Variants in KREMEN1 observed in about 807,000 individuals in gnomAD.
The protein encoded by KREMEN1 is kremen protein 1.
A neutral mutation model predicts 46.5 loss-of-function variants in KREMEN1; 30 were observed. The ratio of observed to expected loss-of-function variants is 0.65; its 90% CI spans 0.48 to 0.88. KREMEN1 has a LOEUF of 0.88. KREMEN1 is among the 40% of genes least tolerant of loss of function. KREMEN1 has a pLI of 0.00. For missense variants in KREMEN1, 533 were observed against 596.9 expected, an observed-to-expected ratio of 0.89 and a Z score of 1.11; for synonymous variants, 214 against 230.6, an observed-to-expected ratio of 0.93 and a Z score of 0.65.
chr22:29,115,446 A>AC (rs2038223482), intron 3 of KREMEN1, among the ~76,000 whole-genome samples: 2 of 146,804 alleles, frequency 1.4e-5, no homozygotes, highest in African/African-American at 5.4e-5. Flanking sequence ...AAAAAAAAAA[A>AC]AAACCAGAAG....
chr22:29,105,474 C>CAT (rs1284159558), intron 3 of KREMEN1, among the ~76,000 whole-genome samples: 7 of 115,070 alleles, frequency 6.1e-5, no homozygotes, highest in Middle Eastern at 4.7e-3. Context: ...CACACACACA[C>CAT]ACATACACAC....
chr22:29,093,603 A>T (rs9620861), intron 1 of KREMEN1, among the ~76,000 whole-genome samples: 2,543 of 152,314 alleles, frequency 0.017, 42 homozygotes, highest in Non-Finnish European at 0.026. Context: ...AGAATTTCAG[A>T]AAGAGGTGAG....
In KREMEN1 at chr22:29,144,895, T is replaced by C; in HGVS notation, c.*2783T>C. 1 of 985,488 alleles carries C rather than the reference T, an allele frequency of 1.0e-6. No homozygotes were observed. The highest frequency in any genetic ancestry group is 1.2e-6 in the Non-Finnish European group (1 of 829,990). 61.0% of individuals were successfully genotyped at this position (985,488 alleles called of 1,614,324 possible). On this transcript the variant is annotated 3_prime_UTR_variant, in exon 9 of 9. Coordinates refer to ENST00000400335, the MANE Select transcript of KREMEN1 (RefSeq NM_001039570.3). Reference sequence around the variant, plus strand: ...GCACTTCCTCGGAGGGCCTGGGAGGTGCTGGGGATGCCCCAGCGCTTCTCT... The same window carrying C: ...GCACTTCCTCGGAGGGCCTGGGAGGCGCTGGGGATGCCCCAGCGCTTCTCT...
rs1265062669 is a variant in KREMEN1 at position 29,094,385 on chromosome 22, C to G, written c.225C>G (p.Asn75Lys). The G allele has an allele frequency of 6.2e-7, 1 of 1,612,112 alleles. No individual in the cohort carries two copies. Reference sequence around the variant, plus strand: ...CATACAACACTCTGAAATACCCCAACGGGGAGGGGGGCCTGGGTGAGCACA... The same window carrying G: ...CATACAACACTCTGAAATACCCCAAGGGGGAGGGGGGCCTGGGTGAGCACA... ...QHPYNTLKYP[N>K]GEGGLGEHNY... The change falls in exon 2 of 9, where the codon AAC becomes AAG. Residue 75 changes from asparagine (N) to lysine (K), a missense_variant. Transcript: ENST00000400335.
In KREMEN1 at chr22:29,125,345, A is replaced by G; in HGVS notation, c.560A>G (p.Glu187Gly). 1 of 1,614,170 alleles carries G rather than the reference A, an allele frequency of 6.2e-7. No individual in the cohort carries two copies. Among genetic ancestry groups the G allele is most frequent in the Non-Finnish European group, 8.5e-7 (1 of 1,180,032 alleles). The change falls in exon 5 of 9, where the codon GAA (glutamate) becomes GGA (glycine). Residue 187 changes from glutamate (E) to glycine (G), a missense_variant. By Grantham distance (98) the Glu-to-Gly change is moderately conservative (BLOSUM62 -2). Coordinates refer to ENST00000400335, the MANE Select transcript of KREMEN1 (RefSeq NM_001039570.3). The part of the protein sequence containing the change: ...YWKYGEAAST[E>G]CNSVCFGDHT... The stretch of plus-strand genomic sequence containing the variant: ...AAGTACGGGGAGGCAGCCAGTACCG[A>G]ATGCAACAGCGTCTGCTTCGGGGAT...
intron 1 of KREMEN1, among the ~76,000 whole-genome samples, chr22:29,078,358 C>G (rs1275469252): frequency 2.6e-5 from 4 of 152,148 alleles, no homozygotes; most frequent in Admixed American, 6.5e-5. Flanking sequence ...TGCCTTGGAA[C>G]TGGCCTATGG....
At chr22:29,163,544 T>C (rs904188529) in intron 9 of KREMEN1, among the ~76,000 whole-genome samples, 1 of 151,860 alleles carries the variant, frequency 6.6e-6, no homozygotes, top group African/African-American at 2.4e-5. Context: ...GCCCAGCTAA[T>C]TTTTGTATTT....
chr22:29,126,526 T>G (rs1012936792), intron 5 of KREMEN1, among the ~76,000 whole-genome samples: 3 of 152,238 alleles, frequency 2.0e-5, no homozygotes, highest in African/African-American at 7.2e-5. Flanking sequence ...TGTCTCTGTG[T>G]GTCTCCTTAA....
At chr22:29,141,285 CTGTGTGTG>C (rs1345390879) in intron 8 of KREMEN1, among the ~76,000 whole-genome samples, 2 of 139,276 alleles carry the variant, frequency 1.4e-5, no homozygotes, top group African/African-American at 6.0e-5. Flanking sequence ...GTGTCTGTGT[CTGTGTGTG>C]TGTGTCTGTG....
At chr22:29,099,584 C>T (rs1601767508) in intron 3 of KREMEN1, 2 of 116,410 alleles carry the variant, frequency 1.7e-5, no homozygotes, top group East Asian at 5.3e-4. Context: ...CAGAGTCTGG[C>T]TCTGTCACCA....
chr22:29,159,922 A>G (rs2038995583), intron 9 of KREMEN1, among the ~76,000 whole-genome samples: 1 of 152,108 alleles, frequency 6.6e-6, no homozygotes, highest in African/African-American at 2.4e-5. Context: ...ACTTTTTTTT[A>G]AAGATAAGGT....
intron 3 of KREMEN1, among the ~76,000 whole-genome samples, chr22:29,105,574 G>C (rs2038047818): frequency 6.6e-6 from 1 of 152,062 alleles, no homozygotes; most frequent in African/African-American, 2.4e-5. Flanking sequence ...AAAGGGGCAG[G>C]AGATGAGGTC....
At chr22:29,131,560 A>ATATATATATATATATGTGTGTG (rs1240832937) in intron 5 of KREMEN1, among the ~76,000 whole-genome samples, 1 of 69,976 alleles carries the variant, frequency 1.4e-5, no homozygotes, top group African/African-American at 8.4e-5. Context: ...ATATATATAT[A>ATATATATATATATATGTGTGTG]TGTGTGTGTG....
At chr22:29,120,487 A>G (rs200765377) in intron 3 of KREMEN1, among the ~76,000 whole-genome samples, 733 of 50,996 alleles carry the variant, frequency 0.014, 52 homozygotes, top group East Asian at 0.041. Context: ...ACAGGGAGGA[A>G]GGAGAGGTGA....
intron 3 of KREMEN1, among the ~76,000 whole-genome samples, chr22:29,111,213 TG>T (rs1243795210): frequency 6.6e-6 from 1 of 150,394 alleles, no homozygotes. Context: ...GAGGCTGAGA[TG>T]GGAAGATCAC....
rs2038686213 is a variant in KREMEN1 at position 29,137,530 on chromosome 22, G to A, written c.820G>A (p.Asp274Asn). ...CTCGGCGGACATGGTGGAGCTTCTG[G>A]ATGGCTACACCCACCGTGTCCTAGC... The part of the protein sequence containing the change: ...RDSADMVELL[D>N]GYTHRVLARF... The change falls in exon 6 of 9, where the codon GAT becomes AAT. Residue 274 changes from aspartate to asparagine, a missense_variant. Coordinates refer to ENST00000400335, the MANE Select transcript of KREMEN1 (RefSeq NM_001039570.3). The A allele has an allele frequency of 6.2e-7, 1 of 1,612,674 alleles. No homozygotes were observed. The highest frequency in any genetic ancestry group is 8.5e-7 in the Non-Finnish European group (1 of 1,178,794).
At chr22:29,117,567 CAA>C (rs35241450) in intron 3 of KREMEN1, among the ~76,000 whole-genome samples, 70 of 135,902 alleles carry the variant, frequency 5.2e-4, no homozygotes, top group Non-Finnish European at 5.8e-4. Context: ...ACTCCGTCTC[CAA>C]AAAAAAAAAA....
At chr22:29,109,056 C>T (rs1367726087) in intron 3 of KREMEN1, among the ~76,000 whole-genome samples, 1 of 152,208 alleles carries the variant, frequency 6.6e-6, no homozygotes, top group African/African-American at 2.4e-5. Context: ...TCCCAAAGTA[C>T]TAGGATTCCA....
At chr22:29,076,590 C>T (rs762122025) in intron 1 of KREMEN1, among the ~76,000 whole-genome samples, 46 of 152,332 alleles carry the variant, frequency 3.0e-4, no homozygotes, top group Middle Eastern at 3.4e-3. Flanking sequence ...GTGGCTCACA[C>T]CTGTAATCCC....
Sources: allele counts gnomAD v4.1 joint callset (sites outside exome capture counted in the v4.1 genomes callset), GRCh38; gene constraint gnomAD v4.1.1; transcripts MANE v1.5; gene names NCBI Gene and HGNC (gene_info 2026-07-23, HGNC 2026-07-21).